ATP8A2: variants seen among roughly 807,000 people sequenced by gnomAD.
ATP8A2 encodes ATPase phospholipid transporting 8A2, also known as phospholipid-transporting ATPase IB.
In ATP8A2, 100 loss-of-function variants were observed where a neutral mutation model predicts 165.6. That is an observed-to-expected ratio of 0.60 (90% CI 0.51 to 0.71). The LOEUF is 0.71. Among genes scored for constraint, ATP8A2 ranks in the 30% least tolerant of loss-of-function variants. The pLI is 0.00. For missense variants in ATP8A2, 1,227 were observed against 1,479.5 expected, an observed-to-expected ratio of 0.83 and a Z score of 2.80; for synonymous variants, 543 against 548.8, an observed-to-expected ratio of 0.99 and a Z score of 0.15.
chr13:25,920,202 G>C lies in ATP8A2; in HGVS notation c.3184-41373G>C, dbSNP rs140300219. Among the ~76,000 whole-genome samples the C allele has an allele frequency of 4.6e-3, 707 of 152,100 alleles. 11 individuals are homozygous for C. The highest frequency in any genetic ancestry group is 0.016 in the African/African-American group (672 of 41,486). Reference sequence around the variant, plus strand: ...CTTTTCCCTCTTCTGTAACTTACAGGTTTGGGTTCTACACCTCAGCATTGA... The same window carrying C: ...CTTTTCCCTCTTCTGTAACTTACAGCTTTGGGTTCTACACCTCAGCATTGA... On this transcript the variant is annotated intron_variant, in intron 33 of 36. Transcript: ENST00000381655.
chr13:25,720,803 C>T (rs375706864), intron 25 of ATP8A2, among the ~76,000 whole-genome samples: 24 of 152,276 alleles, frequency 1.6e-4, no homozygotes, highest in African/African-American at 5.5e-4. Flanking sequence ...CCCTGTGCTA[C>T]GACAGCCTCT....
chr13:25,756,272 T>C (rs1425111090), intron 25 of ATP8A2, among the ~76,000 whole-genome samples: 1 of 151,720 alleles, frequency 6.6e-6, no homozygotes, highest in Non-Finnish European at 1.5e-5. Context: ...AATGGCGGTG[T>C]CCCCATATTA....
At chr13:25,779,103 A>G (rs1049112470) in intron 27 of ATP8A2, among the ~76,000 whole-genome samples, 6 of 149,522 alleles carry the variant, frequency 4.0e-5, no homozygotes, top group Non-Finnish European at 8.9e-5. Flanking sequence ...ATATTGTACA[A>G]TCATTTTAAG....
chr13:25,759,930 T>G (rs1157320044), intron 25 of ATP8A2, among the ~76,000 whole-genome samples: 1 of 152,196 alleles, frequency 6.6e-6, no homozygotes, highest in East Asian at 1.9e-4. Flanking sequence ...CCACTTTAAT[T>G]GTTCTGTTTT....
intron 10 of ATP8A2, among the ~76,000 whole-genome samples, chr13:25,545,234 G>A (rs1393625374): frequency 6.6e-6 from 1 of 152,064 alleles, no homozygotes; most frequent in African/African-American, 2.4e-5. Context: ...TGAAGAGTTG[G>A]TGAATGCTGA....
At chr13:25,566,815 A>T (rs1402423284) in intron 16 of ATP8A2, among the ~76,000 whole-genome samples, 1 of 152,228 alleles carries the variant, frequency 6.6e-6, no homozygotes, top group Non-Finnish European at 1.5e-5. Flanking sequence ...ACGAATAAAA[A>T]ACACTCAAAG....
chr13:25,961,982 C>CCACT (rs746768781), intron 34 of ATP8A2, among the ~76,000 whole-genome samples: 6 of 152,006 alleles, frequency 3.9e-5, no homozygotes, highest in Non-Finnish European at 8.8e-5. Context: ...TATGGTCGTG[C>CCACT]CACTATACTC....
intron 2 of ATP8A2, among the ~76,000 whole-genome samples, chr13:25,509,326 C>T (rs1161862047): frequency 6.6e-6 from 1 of 152,018 alleles, no homozygotes; most frequent in Non-Finnish European, 1.5e-5. Context: ...AGTTGTGGAG[C>T]TGAAAGAAGC....
chr13:25,482,573 A>G (rs1379052638), intron 2 of ATP8A2, among the ~76,000 whole-genome samples: 3 of 152,096 alleles, frequency 2.0e-5, no homozygotes, highest in Non-Finnish European at 4.4e-5. Flanking sequence ...CTTTCCAGAA[A>G]AGATGTGGAA....
rs777311855 is a variant in ATP8A2, at chr13:25,372,257, G to T, written c.45G>T (p.Leu15=). 1 of 1,478,364 alleles carries T rather than the reference G, an allele frequency of 6.8e-7. No homozygotes were observed. The highest frequency in any genetic ancestry group is 1.3e-5 in the South Asian group (1 of 77,974). The allele number at this position is 1,478,364 out of a possible 1,614,324, so 91.6% of individuals were successfully genotyped here. A position where few individuals can be genotyped will look rare whatever the true frequency, so the allele number is the denominator to read the frequency against. ...TGGACAAAGCTCTTAAGATGTCCCT[G>T]CCGCGGAGGTCGAGGATCCGCTCGT... is the stretch of plus-strand genomic sequence containing the variant. ...AGLDKALKMS[L]PRRSRIRSSV... The change falls in exon 1 of 37, where the codon CTG becomes CTT. Residue 15 remains leucine (L), a synonymous_variant. Transcript: ENST00000381655. The surrounding 1 kb of genome is among the most constrained non-coding windows in gnomAD (Gnocchi z 4.8).
chr13:25,612,939 A>T (rs1204627583), intron 24 of ATP8A2, among the ~76,000 whole-genome samples: 4 of 152,040 alleles, frequency 2.6e-5, no homozygotes, highest in Non-Finnish European at 5.9e-5. Context: ...GTTTGGTCTG[A>T]TGTAAGAATA....
At chr13:25,889,083 C>T (rs1406046897) in intron 33 of ATP8A2, among the ~76,000 whole-genome samples, 3 of 151,898 alleles carry the variant, frequency 2.0e-5, no homozygotes, top group Non-Finnish European at 4.4e-5. Context: ...TATACATTCT[C>T]CACAAAAGAT....
chr13:25,535,893 C>T (rs2038265689), intron 6 of ATP8A2, among the ~76,000 whole-genome samples: 1 of 151,642 alleles, frequency 6.6e-6, no homozygotes, highest in South Asian at 2.1e-4. Context: ...GTACACAAAA[C>T]TTCTTAGTAC....
intron 33 of ATP8A2, among the ~76,000 whole-genome samples, chr13:25,952,468 A>G (rs2139150686): frequency 6.6e-6 from 1 of 151,074 alleles, no homozygotes; most frequent in African/African-American, 2.4e-5. Flanking sequence ...TCAACCTTGA[A>G]CTCTTGAGCC....
chr13:25,753,147 C>T (rs115253542), intron 25 of ATP8A2, among the ~76,000 whole-genome samples: 26 of 152,112 alleles, frequency 1.7e-4, no homozygotes, highest in African/African-American at 6.0e-4. Flanking sequence ...TGGGGCGCTG[C>T]TGATCAGAGA....
At chr13:25,687,565 G>GCT (rs1423253005) in intron 24 of ATP8A2, among the ~76,000 whole-genome samples, 1 of 152,116 alleles carries the variant, frequency 6.6e-6, no homozygotes, top group East Asian at 1.9e-4. Context: ...GAAAGAGCCA[G>GCT]CTCTCTCTCC....
chr13:25,755,550 T>C (rs2044243036), intron 25 of ATP8A2, among the ~76,000 whole-genome samples: 1 of 152,248 alleles, frequency 6.6e-6, no homozygotes, highest in South Asian at 2.1e-4. Flanking sequence ...ATTTGTGTTA[T>C]TCATATTCAG....
At chr13:25,667,814 G>T (rs1414063432) in intron 24 of ATP8A2, among the ~76,000 whole-genome samples, 2 of 150,910 alleles carry the variant, frequency 1.3e-5, no homozygotes, top group Non-Finnish European at 2.9e-5. Flanking sequence ...CCTTTTCACT[G>T]CTTTTTCTGT....
intron 2 of ATP8A2, among the ~76,000 whole-genome samples, chr13:25,512,757 G>A (rs569833309): frequency 3.4e-5 from 5 of 144,932 alleles, no homozygotes; most frequent in South Asian, 2.2e-4. Flanking sequence ...CCTCCCTCCC[G>A]GATGGGGCGG....
Sources: allele counts gnomAD v4.1 joint callset (sites outside exome capture counted in the v4.1 genomes callset), GRCh38; gene constraint gnomAD v4.1.1; non-coding constraint Gnocchi (gnomAD v3.1); transcripts MANE v1.5; gene names NCBI Gene and HGNC (gene_info 2026-07-23, HGNC 2026-07-21).